The following NEGR1 variants were observed in gnomAD, a reference collection of about 807,000 sequenced individuals.
The protein encoded by NEGR1 is neuronal growth regulator 1, also known as IgLON family member 4.
Under a neutral mutation model 40.9 loss-of-function variants are expected in NEGR1, and 10 were observed. The observed-to-expected ratio is 0.24, with a 90% CI of 0.15 to 0.42. The LOEUF (loss-of-function observed/expected upper bound fraction) is 0.42, where lower values mean the gene tolerates loss of function less well. NEGR1 is among the 10% of genes least tolerant of loss of function. The probability of loss-of-function intolerance (pLI) is 1.00; values close to 1 mark genes in which losing one functional copy is unlikely to be tolerated. For synonymous variants in NEGR1, 185 were observed against 166.8 expected, an observed-to-expected ratio of 1.11 and a Z score of -0.84; for missense variants, 352 against 438.9, an observed-to-expected ratio of 0.80 and a Z score of 1.77.
chr1:71,845,516 A>G (rs879766044), intron 2 of NEGR1, among the ~76,000 whole-genome samples: 2 of 152,148 alleles, frequency 1.3e-5, no homozygotes, highest in African/African-American at 2.4e-5. Flanking sequence ...AGTAATACTA[A>G]TGAAACTAAG....
chr1:72,071,986 T>C (rs546064985), intron 1 of NEGR1, among the ~76,000 whole-genome samples: 1 of 152,270 alleles, frequency 6.6e-6, no homozygotes, highest in South Asian at 2.1e-4. Flanking sequence ...GTTAGTCTTA[T>C]TTCTTGTCAG....
chr1:72,159,448 G>C (rs558870936), intron 1 of NEGR1, among the ~76,000 whole-genome samples: 22 of 152,190 alleles, frequency 1.4e-4, no homozygotes, highest in African/African-American at 5.1e-4. Context: ...ACTAGATTCT[G>C]CACAATGTAA....
At chr1:71,846,818 C>G (rs1298058771) in intron 2 of NEGR1, among the ~76,000 whole-genome samples, 1 of 152,124 alleles carries the variant, frequency 6.6e-6, no homozygotes, top group Non-Finnish European at 1.5e-5. Context: ...TTCCTTGTGC[C>G]TCTTTGATAA....
At chr1:71,642,608 T>G (rs949083121) in intron 4 of NEGR1, among the ~76,000 whole-genome samples, 3 of 151,616 alleles carry the variant, frequency 2.0e-5, no homozygotes, top group Non-Finnish European at 4.4e-5. Context: ...TAAAGGACTA[T>G]GCAGTCAAAA....
At chr1:71,878,166 G>A (rs567664927) in intron 2 of NEGR1, among the ~76,000 whole-genome samples, 1 of 151,984 alleles carries the variant, frequency 6.6e-6, no homozygotes, top group Non-Finnish European at 1.5e-5. Flanking sequence ...AATCAAATCT[G>A]GCCAATTTCA....
chr1:72,058,466 T>A (rs369242854), intron 1 of NEGR1, among the ~76,000 whole-genome samples: 4 of 151,626 alleles, frequency 2.6e-5, no homozygotes, highest in African/African-American at 9.7e-5. Context: ...ATTTAAGTGT[T>A]CTCTAAATAA....
chr1:71,422,868 T>G (rs1367737820), intron 6 of NEGR1: 2 of 151,258 alleles, frequency 1.3e-5, no homozygotes, highest in Non-Finnish European at 2.9e-5. Context: ...AATACATCTC[T>G]TTATATTGAA....
At chr1:71,926,425 C>T (rs895941204) in intron 2 of NEGR1, among the ~76,000 whole-genome samples, 6 of 151,684 alleles carry the variant, frequency 4.0e-5, no homozygotes, top group African/African-American at 1.5e-4. Context: ...TGATTTTTGG[C>T]CCTCTTCTAC....
chr1:72,140,224 T>TTTTTTGTTGTTG (rs1650619613), intron 1 of NEGR1, among the ~76,000 whole-genome samples: 1 of 150,602 alleles, frequency 6.6e-6, no homozygotes, highest in African/African-American at 2.4e-5. Flanking sequence ...GATAACTGTT[T>TTTTTTGTTGTTG]TTGTTGTTGT....
At chr1:71,554,545 G>T (rs1648190687) in intron 6 of NEGR1, among the ~76,000 whole-genome samples, 1 of 151,328 alleles carries the variant, frequency 6.6e-6, no homozygotes, top group African/African-American at 2.4e-5. Flanking sequence ...CAACCAGAAA[G>T]TCTTATATTG....
intron 1 of NEGR1, among the ~76,000 whole-genome samples, chr1:71,959,627 T>C (rs182131226): frequency 2.6e-5 from 4 of 152,292 alleles, no homozygotes; most frequent in Admixed American, 6.5e-5. Context: ...AGCTTATTAA[T>C]CTTCAATTTC....
chr1:71,401,858 T>C lies in NEGR1; in HGVS notation c.*5588A>G, dbSNP rs905459136. 3 of 152,174 alleles carry C rather than the reference T, an allele frequency of 2.0e-5. No individual in the cohort carries two copies. Among genetic ancestry groups the C allele is most frequent in the Non-Finnish European group, 4.4e-5 (3 of 68,022 alleles). The allele number at this position is 152,174 out of a possible 1,614,324, so 9.4% of individuals were successfully genotyped here. On this transcript the variant is annotated 3_prime_UTR_variant, in exon 7 of 7. Transcript: ENST00000357731. The stretch of plus-strand genomic sequence containing the variant: ...ACCAGTCTCATACAACCCAAGGCTG[T>C]GTGTCCAAAGGCAACTGTACTGTGA...
intron 1 of NEGR1, among the ~76,000 whole-genome samples, chr1:72,015,394 G>A (rs1160663494): frequency 6.6e-6 from 1 of 150,992 alleles, no homozygotes; most frequent in African/African-American, 2.4e-5. Flanking sequence ...TTGTTCTTTA[G>A]GCCTGAGTAT....
At chr1:71,861,702 G>A (rs1427797805) in intron 2 of NEGR1, among the ~76,000 whole-genome samples, 1 of 151,978 alleles carries the variant, frequency 6.6e-6, no homozygotes, top group Non-Finnish European at 1.5e-5. Context: ...AATTAATTTT[G>A]GATTATTACA....
At chr1:71,541,968 T>C (rs1647719245) in intron 6 of NEGR1, among the ~76,000 whole-genome samples, 1 of 151,778 alleles carries the variant, frequency 6.6e-6, no homozygotes, top group South Asian at 2.1e-4. Context: ...CTGACACTAT[T>C]CTAAGTGCTG....
At chr1:72,262,770 C>A (rs1238025964) in intron 1 of NEGR1, among the ~76,000 whole-genome samples, 1 of 151,842 alleles carries the variant, frequency 6.6e-6, no homozygotes, top group East Asian at 1.9e-4. Flanking sequence ...TTATTCGCAA[C>A]AGCATATAAT....
intron 3 of NEGR1, among the ~76,000 whole-genome samples, chr1:71,772,972 T>C (rs899581488): frequency 1.3e-5 from 2 of 152,148 alleles, no homozygotes; most frequent in Admixed American, 6.6e-5. Flanking sequence ...AAAGAAATAA[T>C]CATTGATAAG....
chr1:72,139,999 G>A (rs928781775), intron 1 of NEGR1, among the ~76,000 whole-genome samples: 4 of 151,916 alleles, frequency 2.6e-5, no homozygotes, highest in African/African-American at 4.8e-5. Flanking sequence ...TTGCTTGCTC[G>A]TGCCTAGAAT....
intron 6 of NEGR1, among the ~76,000 whole-genome samples, chr1:71,503,461 A>T (rs1647011802): frequency 6.6e-6 from 1 of 152,184 alleles, no homozygotes; most frequent in Admixed American, 6.5e-5. Context: ...AGGGGCAACA[A>T]GAGGGTTAGA....
Sources: gnomAD v4.1 joint callset for allele counts (sites outside exome capture counted in the v4.1 genomes callset) on GRCh38, gnomAD v4.1.1 for gene constraint, MANE v1.5 for transcripts, NCBI Gene and HGNC (gene_info 2026-07-23, HGNC 2026-07-21) for gene names.